EIF3H: variants seen among roughly 807,000 people sequenced by gnomAD.
EIF3H encodes the protein eukaryotic translation initiation factor 3 subunit H, also known as eIF-3-gamma.
Under a neutral mutation model 44.2 loss-of-function variants are expected in EIF3H, and 26 were observed. That is an observed-to-expected ratio of 0.59 (90% CI 0.43 to 0.82). EIF3H has a LOEUF of 0.82. Ranked by LOEUF, EIF3H falls within the 40% of genes least tolerant of loss-of-function variation. The pLI is 0.00. For missense variants in EIF3H, 359 were observed against 432.8 expected (o/e 0.83, Z 1.51); for synonymous variants, 166 against 151.9 (o/e 1.09, Z -0.68).
In EIF3H at chr8:116,734,394, T is replaced by C. The variant is rs372211385; in HGVS notation, c.133-8222A>G. The C allele has an allele frequency of 4.0e-3, 1,819 of 455,550 alleles. 41 individuals are homozygous for C. Among genetic ancestry groups the C allele is most frequent in the South Asian group, 0.027 (1,767 of 64,402 alleles). The allele number at this position is 455,550 out of a possible 1,614,324, so 28.2% of individuals were successfully genotyped here. On this transcript the variant is annotated intron_variant, in intron 1 of 7. Transcript: ENST00000521861. ...ATACTTGACGACTATGGATTTTTAA[T>C]CTTTTAATAAAAATGCTAATATTTA...
intron 2 of EIF3H, among the ~76,000 whole-genome samples, chr8:116,663,353 G>A (rs189222095): frequency 6.6e-6 from 1 of 152,316 alleles, no homozygotes; most frequent in Admixed American, 6.5e-5. Flanking sequence ...TGCAGAGTTG[G>A]TCCAGGGTTA....
chr8:116,670,976 A>G (rs1428739295), intron 2 of EIF3H, among the ~76,000 whole-genome samples: 1 of 152,230 alleles, frequency 6.6e-6, no homozygotes, highest in Non-Finnish European at 1.5e-5. Flanking sequence ...AGTAAAAAAT[A>G]TTGGACGGCA....
intron 2 of EIF3H, among the ~76,000 whole-genome samples, chr8:116,689,323 T>C (rs1205273098): frequency 1.3e-5 from 2 of 152,090 alleles, no homozygotes; most frequent in Non-Finnish European, 2.9e-5. Context: ...TACTCTAGAA[T>C]TGACGCTAGC....
intron 2 of EIF3H, among the ~76,000 whole-genome samples, chr8:116,661,909 T>C (rs1000984190): frequency 6.6e-6 from 1 of 152,230 alleles, no homozygotes; most frequent in Non-Finnish European, 1.5e-5. Flanking sequence ...CGTGTGGAGA[T>C]ACCACTCCTC....
intron 1 of EIF3H, among the ~76,000 whole-genome samples, chr8:116,740,635 A>G (rs1438323355): frequency 1.3e-5 from 2 of 152,066 alleles, no homozygotes; most frequent in Admixed American, 6.6e-5. Context: ...GTTGTCTAGT[A>G]CACAGTTATT....
At chr8:116,648,166 T>C (rs1813335579) in intron 6 of EIF3H, among the ~76,000 whole-genome samples, 1 of 152,174 alleles carries the variant, frequency 6.6e-6, no homozygotes, top group South Asian at 2.1e-4. Flanking sequence ...ATAAACATTC[T>C]GGAATCAACT....
intron 2 of EIF3H, among the ~76,000 whole-genome samples, chr8:116,684,009 A>T (rs1814033722): frequency 6.6e-6 from 1 of 152,188 alleles, no homozygotes; most frequent in Admixed American, 6.5e-5. Flanking sequence ...CCCCCATTTG[A>T]CAGGTGAGGA....
intron 2 of EIF3H, among the ~76,000 whole-genome samples, chr8:116,692,088 C>A (rs1332607819): frequency 6.6e-6 from 1 of 152,150 alleles, no homozygotes; most frequent in Admixed American, 6.5e-5. Flanking sequence ...TTACCAATCT[C>A]CCAAGAAATC....
At chr8:116,711,698 C>T (rs1029662070) in intron 2 of EIF3H, among the ~76,000 whole-genome samples, 17 of 152,132 alleles carry the variant, frequency 1.1e-4, no homozygotes, top group Admixed American at 5.9e-4. Flanking sequence ...TACACAGTTA[C>T]GTAAATATGT....
intron 2 of EIF3H, among the ~76,000 whole-genome samples, chr8:116,721,985 G>C (rs1814754136): frequency 6.6e-6 from 1 of 152,256 alleles, no homozygotes; most frequent in Admixed American, 6.5e-5. Context: ...TCGGGGCACA[G>C]TTGGGAAGGC....
At chr8:116,739,434 A>C (rs1485159183) in intron 1 of EIF3H, among the ~76,000 whole-genome samples, 1 of 152,190 alleles carries the variant, frequency 6.6e-6, no homozygotes, top group African/African-American at 2.4e-5. Context: ...GCAGATCACG[A>C]GGTCAGGAGA....
intron 2 of EIF3H, among the ~76,000 whole-genome samples, chr8:116,670,621 C>T (rs1272640895): frequency 6.6e-6 from 1 of 152,124 alleles, no homozygotes. Context: ...GGTGATATGA[C>T]CAGAGACTTC....
chr8:116,660,529 A>AT (rs920324826), intron 2 of EIF3H, among the ~76,000 whole-genome samples: 50 of 150,264 alleles, frequency 3.3e-4, no homozygotes, highest in South Asian at 2.3e-3. Context: ...GTTTTTTGAG[A>AT]TTTTTTTTTT....
intron 4 of EIF3H, among the ~76,000 whole-genome samples, 197 bp from the exon 5 acceptor site, chr8:116,656,202 G>A (rs1813487146): frequency 1.3e-5 from 2 of 151,848 alleles, no homozygotes; most frequent in South Asian, 4.2e-4. Flanking sequence ...CTTTGAAAAT[G>A]ATGCGAATTT....
chr8:116,696,910 A>G, intron 2 of EIF3H: 1 of 323,924 alleles, frequency 3.1e-6, no homozygotes, highest in East Asian at 7.9e-5. Context: ...AAACTTTTGT[A>G]AAAGAAAACA....
intron 2 of EIF3H, among the ~76,000 whole-genome samples, chr8:116,669,486 A>G (rs578140758): frequency 6.6e-6 from 1 of 152,284 alleles, no homozygotes; most frequent in East Asian, 1.9e-4. Flanking sequence ...TACTCAGGGG[A>G]CTGGGACAAG....
At chr8:116,664,005 C>T (rs1813627350) in intron 2 of EIF3H, among the ~76,000 whole-genome samples, 1 of 151,340 alleles carries the variant, frequency 6.6e-6, no homozygotes, top group Admixed American at 6.6e-5. Context: ...AAAAGCCACA[C>T]TTGGATGCAG....
chr8:116,754,833 T>TA (rs1324045310), intron 1 of EIF3H, among the ~76,000 whole-genome samples: 5 of 152,258 alleles, frequency 3.3e-5, no homozygotes, highest in Non-Finnish European at 7.3e-5. Flanking sequence ...TGCTTGCAAT[T>TA]ACAATTTTCA....
intron 2 of EIF3H, 65 bp downstream of exon 2, chr8:116,725,951 G>T: frequency 6.6e-7 from 1 of 1,526,186 alleles, no homozygotes; most frequent in South Asian, 1.3e-5. Flanking sequence ...AAAAGTTATG[G>T]TGAGACCTGT....
Sources: allele counts gnomAD v4.1 joint callset (sites outside exome capture counted in the v4.1 genomes callset), GRCh38; gene constraint gnomAD v4.1.1; transcripts MANE v1.5; gene names NCBI Gene and HGNC (gene_info 2026-07-23, HGNC 2026-07-21).